The following NEK11 variants were observed in gnomAD, a reference collection of about 807,000 sequenced individuals.
The protein encoded by NEK11 is serine/threonine-protein kinase Nek11.
Under a neutral mutation model 80.7 loss-of-function variants are expected in NEK11, and 72 were observed. The observed-to-expected ratio is 0.89, with a 90% CI of 0.74 to 1.08. NEK11 has a LOEUF of 1.08. Ranked by LOEUF, NEK11 falls within the 50% of genes least tolerant of loss-of-function variation. The probability of loss-of-function intolerance (pLI) is 0.00; values close to 1 mark genes in which losing one functional copy is unlikely to be tolerated. For missense variants in NEK11, 764 were observed against 763.6 expected (o/e 1.00, Z -0.01); for synonymous variants, 251 against 260.7 (o/e 0.96, Z 0.36).
rs763861611 is a variant in NEK11 at position 131,152,441 on chromosome 3, G to A, written c.701G>A (p.Gly234Asp). The A allele has an allele frequency of 6.2e-7, 1 of 1,613,704 alleles. No individual in the cohort carries two copies. Among genetic ancestry groups the A allele is most frequent in the South Asian group, 1.1e-5 (1 of 91,040 alleles). The change falls in exon 8 of 18, where the codon GGC (glycine) becomes GAC (aspartate). Residue 234 changes from glycine to aspartate, a missense_variant. Physicochemically the swap from Gly to Asp is moderately conservative, Grantham distance 94. Transcript: ENST00000383366. ...TGCTGCATGAATCATGCATTCGCTGGCTCCAATTTCTTATCCATTGTTTTA... is the reference window on the plus strand; with the variant it reads ...TGCTGCATGAATCATGCATTCGCTGACTCCAATTTCTTATCCATTGTTTTA... ...EMCCMNHAFA[G>D]SNFLSIVLKI...
In NEK11 at chr3:131,149,715, T is replaced by C. The variant is rs145216420; in HGVS notation, c.648-2673T>C. On this transcript the variant is annotated intron_variant, in intron 7 of 17. Coordinates refer to ENST00000383366, the MANE Select transcript of NEK11 (RefSeq NM_024800.5). ...CTAATATCTGTGGAATCTACAGTGT[T>C]GCACTTTTTTCTATTTGTTATCGTT... Among the ~76,000 whole-genome samples, 139 of 152,158 alleles carry C rather than the reference T, an allele frequency of 9.1e-4. 1 individual carries two copies. The highest frequency in any genetic ancestry group is 3.2e-3 in the African/African-American group (135 of 41,574).
intron 3 of NEK11, among the ~76,000 whole-genome samples, chr3:131,071,310 T>G (rs1052714516): frequency 6.6e-6 from 1 of 152,172 alleles, no homozygotes; most frequent in Non-Finnish European, 1.5e-5. Flanking sequence ...TATTTATTAC[T>G]GTTTGTAAAG....
intron 16 of NEK11, among the ~76,000 whole-genome samples, chr3:131,256,543 C>G (rs955388243): frequency 6.6e-6 from 1 of 152,088 alleles, no homozygotes; most frequent in African/African-American, 2.4e-5. Flanking sequence ...CTTATCCTGA[C>G]CTACCATAAA....
rs570219653 is a variant in NEK11, at chr3:131,032,170, C to A, written c.170+2292C>A. 6.8e-4 allele frequency among the ~76,000 whole-genome samples: 103 copies of A among 152,140 alleles called. 1 individual carries two copies. The highest frequency in any genetic ancestry group is 1.1e-3 in the Non-Finnish European group (72 of 68,024). ...AGAGACAGGGTTTCACCATGTTGGCCAGGCTGGTCTTGAACTCCTGACCTC... is the reference window on the plus strand; with the variant it reads ...AGAGACAGGGTTTCACCATGTTGGCAAGGCTGGTCTTGAACTCCTGACCTC... On this transcript the variant is annotated intron_variant, in intron 3 of 17. Transcript: ENST00000383366.
At chr3:131,292,006 A>G (rs1051582385) in intron 17 of NEK11, among the ~76,000 whole-genome samples, 21 of 152,182 alleles carry the variant, frequency 1.4e-4, no homozygotes, top group African/African-American at 4.8e-4. Context: ...ACTCAAGGTA[A>G]TCTAGGTTTT....
chr3:131,132,767 A>G lies in NEK11; in HGVS notation c.478A>G (p.Lys160Glu). ...HERRILHRDL[K>E]SKNVFLKNNL... ...TAGGAGGATACTTCATCGAGACTTA[A>G]AGTCAAAGAATGTATTTCTGAAAAA... The change falls in exon 6 of 18, where the codon AAG becomes GAG. Residue 160 changes from lysine to glutamate, a missense_variant. Physicochemically the swap from Lys to Glu is moderately conservative, Grantham distance 56. Transcript: ENST00000383366. 1 of 1,534,308 alleles carries G rather than the reference A, an allele frequency of 6.5e-7. No individual in the cohort carries two copies. The highest frequency in any genetic ancestry group is 8.9e-7 in the Non-Finnish European group (1 of 1,125,994).
intron 9 of NEK11, chr3:131,154,793 G>A: frequency 2.3e-6 from 1 of 426,088 alleles, no homozygotes; most frequent in Non-Finnish European, 4.3e-6. Flanking sequence ...TTGGCAAAAG[G>A]GAGTGAGAGA....
rs116243340 is a variant in NEK11, at chr3:131,072,750, A to G, written c.171-7673A>G. Among the ~76,000 whole-genome samples, 1,240 of 152,280 alleles carry G rather than the reference A, an allele frequency of 8.1e-3. 22 individuals carry two copies. The highest frequency in any genetic ancestry group is 0.028 in the African/African-American group (1,174 of 41,566). The stretch of plus-strand genomic sequence containing the variant: ...CATGAAGGGAATCCACTCATATTGT[A>G]GGTAAAAGAAGAGGGAAGGGCAATT... On this transcript the variant is annotated intron_variant, in intron 3 of 17. Transcript: ENST00000383366.
intron 3 of NEK11, among the ~76,000 whole-genome samples, chr3:131,032,167 G>A (rs989206945): frequency 1.5e-4 from 23 of 152,018 alleles, no homozygotes; most frequent in African/African-American, 5.6e-4. Flanking sequence ...TCACCATGTT[G>A]GCCAGGCTGG....
At chr3:131,221,286 C>T (rs2095016411) in intron 14 of NEK11, among the ~76,000 whole-genome samples, 1 of 152,118 alleles carries the variant, frequency 6.6e-6, no homozygotes, top group Non-Finnish European at 1.5e-5. Flanking sequence ...CATAAAGTGC[C>T]AGTCATTGTG....
chr3:131,133,374 A>G (rs749801625), intron 6 of NEK11: 7 of 425,714 alleles, frequency 1.6e-5, no homozygotes, highest in Non-Finnish European at 2.7e-5. Context: ...TAAAAAGCTG[A>G]TAGATTCAAA....
intron 14 of NEK11, among the ~76,000 whole-genome samples, chr3:131,188,312 T>C (rs1257071184): frequency 1.3e-5 from 2 of 152,202 alleles, no homozygotes; most frequent in African/African-American, 4.8e-5. Flanking sequence ...AAAAGATTTA[T>C]TATTAGATTG....
rs895299247 is a variant in NEK11 at position 131,281,235 on chromosome 3, A to T, written c.1718+7661A>T. 2.0e-5 allele frequency among the ~76,000 whole-genome samples: 3 copies of T among 152,184 alleles called. No individual in the cohort carries two copies. The South Asian group carries it at 6.2e-4, about 32-fold the overall frequency. ...CTATTAAAAGCCATATTTAATGAAG[A>T]CTAGCTTCTATCCTTGATCCCTTGC... is the stretch of plus-strand genomic sequence containing the variant. On this transcript the variant is annotated intron_variant, in intron 17 of 17. Transcript: ENST00000383366.
intron 17 of NEK11, among the ~76,000 whole-genome samples, chr3:131,326,514 G>A (rs941607642): frequency 6.6e-6 from 1 of 152,168 alleles, no homozygotes; most frequent in Admixed American, 6.5e-5. Context: ...CTTCTCCCAA[G>A]TCTTGGCTTG....
intron 3 of NEK11, among the ~76,000 whole-genome samples, chr3:131,031,409 T>G (rs1425494870): frequency 1.3e-5 from 2 of 152,168 alleles, no homozygotes; most frequent in African/African-American, 2.4e-5. Flanking sequence ...ATGGAAACAT[T>G]GAGAGTAAGA....
At chr3:131,262,338 T>C (rs572848990) in intron 16 of NEK11, among the ~76,000 whole-genome samples, 3 of 152,208 alleles carry the variant, frequency 2.0e-5, no homozygotes, top group East Asian at 1.9e-4. Flanking sequence ...CTGGGCAACA[T>C]AGCAAGAGTC....
chr3:131,203,013 C>A (rs2094301120), intron 14 of NEK11, among the ~76,000 whole-genome samples: 1 of 152,132 alleles, frequency 6.6e-6, no homozygotes, highest in Non-Finnish European at 1.5e-5. Flanking sequence ...TTGTGGAAGG[C>A]AGTGTGGCGA....
In NEK11 at chr3:131,171,157, G is replaced by A. The variant is rs147087892; in HGVS notation, c.1399+270G>A. Among the ~76,000 whole-genome samples, 521 of 152,300 alleles carry A rather than the reference G, an allele frequency of 3.4e-3. 3 individuals are homozygous for A. The highest frequency in any genetic ancestry group is 0.011 in the African/African-American group (477 of 41,562). On this transcript the variant is annotated intron_variant, in intron 14 of 17. Transcript: ENST00000383366. ...TCTGGGTGGGTTAAACACTGTTGTCGTTAAGCTGACTTTGGAATTGTGCAA... is the reference window on the plus strand; with the variant it reads ...TCTGGGTGGGTTAAACACTGTTGTCATTAAGCTGACTTTGGAATTGTGCAA...
At chr3:131,137,355 G>A (rs2149644583) in intron 7 of NEK11, among the ~76,000 whole-genome samples, 1 of 152,222 alleles carries the variant, frequency 6.6e-6, no homozygotes, top group East Asian at 1.9e-4. Flanking sequence ...GGGGACAACA[G>A]CCTATTTTTT....
Sources: gnomAD v4.1 joint callset for allele counts (sites outside exome capture counted in the v4.1 genomes callset) on GRCh38, gnomAD v4.1.1 for gene constraint, MANE v1.5 for transcripts, NCBI Gene and HGNC (gene_info 2026-07-23, HGNC 2026-07-21) for gene names.